The following GABRB1 variants were observed in gnomAD, a reference collection of about 807,000 sequenced individuals.
GABRB1 encodes the protein gamma-aminobutyric acid receptor subunit beta-1.
GABRB1 carries 17 observed loss-of-function variants against 51.6 expected under a neutral mutation model. That is an observed-to-expected ratio of 0.33 (90% CI 0.23 to 0.49). The LOEUF (loss-of-function observed/expected upper bound fraction) is 0.49. Ranked by LOEUF, GABRB1 falls within the 20% of genes least tolerant of loss-of-function variation. The pLI, the probability that GABRB1 is intolerant of heterozygous loss-of-function variation, is 0.99. For synonymous variants in GABRB1, 247 were observed against 218.9 expected, an observed-to-expected ratio of 1.13 and a Z score of -1.14; for missense variants, 410 against 600.6, an observed-to-expected ratio of 0.68 and a Z score of 3.32.
At chr4:47,241,273 AG>A (rs141719901) in intron 4 of GABRB1, among the ~76,000 whole-genome samples, 17,791 of 152,056 alleles carry the variant, frequency 0.12, 1,275 homozygotes, top group Non-Finnish European at 0.15. Flanking sequence ...TTGGGCTTGG[AG>A]GAAAGGTGCT....
intron 3 of GABRB1, among the ~76,000 whole-genome samples, chr4:47,085,617 G>A (rs977963975): frequency 1.1e-4 from 16 of 152,088 alleles, no homozygotes; most frequent in Non-Finnish European, 1.9e-4. Flanking sequence ...GTTTTTCAAG[G>A]AAAGGAAAGA....
chr4:47,304,272 C>T (rs1337137098), intron 4 of GABRB1, among the ~76,000 whole-genome samples: 1 of 151,992 alleles, frequency 6.6e-6, no homozygotes, highest in African/African-American at 2.4e-5. Context: ...GTGTGCTAGG[C>T]TTCTCTTTTC....
intron 3 of GABRB1, among the ~76,000 whole-genome samples, chr4:47,111,993 G>A (rs756870879): frequency 2.9e-5 from 4 of 139,068 alleles, no homozygotes; most frequent in Non-Finnish European, 6.1e-5. Context: ...TTTATGAGAC[G>A]GAATCTCGTT....
chr4:47,257,027 T>A (rs765513440), intron 4 of GABRB1, among the ~76,000 whole-genome samples: 31 of 152,194 alleles, frequency 2.0e-4, no homozygotes, highest in Non-Finnish European at 4.0e-4. Context: ...TCCATTTTTT[T>A]CCACCTGCTT....
intron 4 of GABRB1, among the ~76,000 whole-genome samples, chr4:47,299,655 G>A (rs1724165338): frequency 6.6e-6 from 1 of 152,060 alleles, no homozygotes; most frequent in Non-Finnish European, 1.5e-5. Context: ...CTGTAAACTA[G>A]TTCAACCATT....
intron 3 of GABRB1, among the ~76,000 whole-genome samples, chr4:47,067,616 TTTATTA>T (rs555142559): frequency 6.6e-6 from 1 of 151,738 alleles, no homozygotes; most frequent in Non-Finnish European, 1.5e-5. Flanking sequence ...ATGAGTATAT[TTTATTA>T]TTATTATTAT....
chr4:47,129,967 T>C (rs1482925494), intron 3 of GABRB1, among the ~76,000 whole-genome samples: 1 of 152,176 alleles, frequency 6.6e-6, no homozygotes, highest in African/African-American at 2.4e-5. Context: ...GTGTAAAACA[T>C]TGTGTTTTAT....
In GABRB1 at chr4:47,253,975, G is replaced by A. The variant is rs192080145; in HGVS notation, c.462-66152G>A. Among the ~76,000 whole-genome samples the A allele has an allele frequency of 3.9e-5, 6 of 152,296 alleles. No individual in the cohort carries two copies. The East Asian group carries it at 1.2e-3, about 29-fold the overall frequency. ...ATAACATCTCTTTATTGAGATTGGA[G>A]TAGAAAATGAGCTAACAATGCTTAA... is the stretch of plus-strand genomic sequence containing the variant. On this transcript the variant is annotated intron_variant, in intron 4 of 8. Transcript: ENST00000295454.
chr4:47,424,602 C>T (rs1438649656), intron 8 of GABRB1, among the ~76,000 whole-genome samples: 3 of 152,160 alleles, frequency 2.0e-5, no homozygotes, highest in Non-Finnish European at 2.9e-5. Context: ...TAAGATTAAT[C>T]TCATTCAAAA....
At chr4:46,996,539 C>T (rs1206188318) in intron 1 of GABRB1, among the ~76,000 whole-genome samples, 1 of 152,134 alleles carries the variant, frequency 6.6e-6, no homozygotes, top group East Asian at 1.9e-4. Context: ...TCCTGTGAGA[C>T]TTTATCTCTC....
intron 4 of GABRB1, among the ~76,000 whole-genome samples, chr4:47,283,773 G>A (rs1358039337): frequency 6.6e-6 from 1 of 152,026 alleles, no homozygotes; most frequent in African/African-American, 2.4e-5. Context: ...ATTCACCAAA[G>A]ATAATTGAAA....
upstream of GABRB1, among the ~76,000 whole-genome samples, chr4:47,028,189 GT>G (rs1725163110): frequency 6.6e-6 from 1 of 151,262 alleles, no homozygotes; most frequent in African/African-American, 2.4e-5. Context: ...TTTTTAAAAA[GT>G]TTTGCAGGTA....
intron 3 of GABRB1, among the ~76,000 whole-genome samples, chr4:47,156,714 A>G (rs944245247): frequency 6.6e-6 from 1 of 152,058 alleles, no homozygotes; most frequent in African/African-American, 2.4e-5. Flanking sequence ...CACACTTGTA[A>G]TCTCAGCACT....
chr4:47,114,439 G>A (rs1426817015), intron 3 of GABRB1, among the ~76,000 whole-genome samples: 1 of 152,134 alleles, frequency 6.6e-6, no homozygotes, highest in East Asian at 1.9e-4. Flanking sequence ...AAACCAGTGT[G>A]TTCATCCTCA....
At chr4:47,186,195 TA>T (rs1203200307) in intron 4 of GABRB1, among the ~76,000 whole-genome samples, 1 of 131,634 alleles carries the variant, frequency 7.6e-6, no homozygotes, top group Non-Finnish European at 1.6e-5. Flanking sequence ...TTCAGTTTCA[TA>T]AAGTCAAGGC....
At chr4:47,214,570 C>T (rs1402886627) in intron 4 of GABRB1, among the ~76,000 whole-genome samples, 1 of 152,140 alleles carries the variant, frequency 6.6e-6, no homozygotes, top group Non-Finnish European at 1.5e-5. Flanking sequence ...GAAATGTGAA[C>T]TTCAATTGTA....
At chr4:47,197,416 T>C (rs1390794045) in intron 4 of GABRB1, among the ~76,000 whole-genome samples, 1 of 152,202 alleles carries the variant, frequency 6.6e-6, no homozygotes, top group East Asian at 1.9e-4. Context: ...ATAAGCCCCA[T>C]GTGATGGCCC....
At chr4:47,201,669 A>G (rs945702095) in intron 4 of GABRB1, among the ~76,000 whole-genome samples, 2 of 152,174 alleles carry the variant, frequency 1.3e-5, no homozygotes, top group Non-Finnish European at 2.9e-5. Flanking sequence ...TATTATGCCT[A>G]AAAATGTATT....
chr4:47,049,336 T>G lies in GABRB1; in HGVS notation c.240+16852T>G, dbSNP rs149602668. On this transcript the variant is annotated intron_variant, in intron 3 of 8. Transcript: ENST00000295454. ...ATTCCAGGATTCTCTAATGGGGCCG[T>G]ACGTCAACAACAGAAGGGGAGAAGC... is the stretch of plus-strand genomic sequence containing the variant. Among the ~76,000 whole-genome samples, 649 of 152,288 alleles carry G rather than the reference T, an allele frequency of 4.3e-3. 2 individuals are homozygous for G. Among genetic ancestry groups the G allele is most frequent in the African/African-American group, 0.015 (630 of 41,550 alleles).
Sources: gnomAD v4.1 joint callset for allele counts (sites outside exome capture counted in the v4.1 genomes callset) on GRCh38, gnomAD v4.1.1 for gene constraint, MANE v1.5 for transcripts, NCBI Gene and HGNC (gene_info 2026-07-23, HGNC 2026-07-21) for gene names.